FKBP9: variants seen among roughly 807,000 people sequenced by gnomAD.
The protein encoded by FKBP9 is peptidyl-prolyl cis-trans isomerase FKBP9.
Under a neutral mutation model 55.6 loss-of-function variants are expected in FKBP9, and 27 were observed. The ratio of observed to expected loss-of-function variants is 0.49; its 90% CI spans 0.36 to 0.67. The LOEUF (loss-of-function observed/expected upper bound fraction) is 0.67. Ranked by LOEUF, FKBP9 falls within the 30% of genes least tolerant of loss-of-function variation. The pLI, the probability that FKBP9 is intolerant of heterozygous loss-of-function variation, is 0.00. For missense variants in FKBP9, 539 were observed against 742.8 expected (o/e 0.73, Z 3.19); for synonymous variants, 267 against 296.5 (o/e 0.90, Z 1.02).
At chr7:33,002,603 G>T (rs1366657558) in intron 8 of FKBP9, 73 bp from the exon 9 acceptor site, 1 of 1,577,134 alleles carries the variant, frequency 6.3e-7, no homozygotes, top group Non-Finnish European at 8.6e-7. Context: ...TGGAGGTTGG[G>T]GTGGGTGCTG....
intron 6 of FKBP9, among the ~76,000 whole-genome samples, chr7:32,991,548 ATGTT>A (rs760883015): frequency 3.3e-5 from 5 of 152,206 alleles, no homozygotes; most frequent in African/African-American, 2.4e-5. Context: ...CACATTGTGA[ATGTT>A]TGGCAAATAT....
intron 1 of FKBP9, among the ~76,000 whole-genome samples, chr7:32,973,325 C>G (rs1042660615): frequency 6.6e-6 from 1 of 152,080 alleles, no homozygotes; most frequent in African/African-American, 2.4e-5. Flanking sequence ...TGCCTATCAG[C>G]CTTTAAAACA....
Position 32,974,361 on chromosome 7 carries a change from A to ATT in FKBP9, c.222-243_222-242dup, listed in dbSNP as rs5883378. 1.4e-4 allele frequency among the ~76,000 whole-genome samples: 21 copies of ATT among 145,428 alleles called. No homozygotes were observed. In the East Asian group the frequency reaches 2.4e-3, roughly 17 times the overall value. On this transcript the variant is annotated intron_variant, in intron 1 of 9. Transcript: ENST00000242209. ...CTATTTTGCAAAATCAGTTTAACAC[A>ATT]TTTTTTTTTTTTTTGGAGAGAGTTA...
At chr7:32,977,029 C>T (rs1435432146) in intron 4 of FKBP9, among the ~76,000 whole-genome samples, 1 of 152,228 alleles carries the variant, frequency 6.6e-6, no homozygotes, top group Non-Finnish European at 1.5e-5. Flanking sequence ...CAGATTTCCC[C>T]GTTTGCACCT....
chr7:32,967,577 C>T (rs181287712), intron 1 of FKBP9, among the ~76,000 whole-genome samples: 8 of 152,138 alleles, frequency 5.3e-5, no homozygotes, highest in African/African-American at 1.2e-4. Context: ...CTTTTTAAGG[C>T]GGAATAATAT....
chr7:33,004,414 GC>G, intron 9 of FKBP9, among the ~76,000 whole-genome samples: 1 of 152,192 alleles, frequency 6.6e-6, no homozygotes, highest in East Asian at 1.9e-4. Context: ...GGCCACACCT[GC>G]CCCCAGTGCT....
intron 9 of FKBP9, among the ~76,000 whole-genome samples, chr7:33,004,019 G>C (rs1380888520): frequency 6.6e-6 from 1 of 152,048 alleles, no homozygotes; most frequent in South Asian, 2.1e-4. Flanking sequence ...AGCCTTTCCC[G>C]TCGCAGTCAG....
intron 4 of FKBP9, 150 bp downstream of exon 4, chr7:32,976,649 A>G: frequency 8.9e-7 from 1 of 1,122,550 alleles, no homozygotes; most frequent in Non-Finnish European, 1.2e-6. Flanking sequence ...TGTGGCTATT[A>G]ATTAGCTAAA....
At chr7:32,979,183 C>T (rs1204022524) in intron 4 of FKBP9, among the ~76,000 whole-genome samples, 2 of 151,942 alleles carry the variant, frequency 1.3e-5, no homozygotes, top group Non-Finnish European at 2.9e-5. Flanking sequence ...GCAGGAGAAT[C>T]GCTTGAACCC....
intron 4 of FKBP9, among the ~76,000 whole-genome samples, chr7:32,979,319 G>T (rs2953561): frequency 6.6e-6 from 1 of 152,150 alleles, no homozygotes; most frequent in Non-Finnish European, 1.5e-5. Context: ...TACTTTTAAG[G>T]CTTTCATTTT....
intron 5 of FKBP9, among the ~76,000 whole-genome samples, chr7:32,981,566 CTAGT>C (rs1784475965): frequency 6.6e-6 from 1 of 152,006 alleles, no homozygotes; most frequent in African/African-American, 2.4e-5. Context: ...TGATAGACTT[CTAGT>C]TAATGTAGTC....
chr7:32,974,625 G>A lies in FKBP9; in HGVS notation c.230G>A (p.Arg77Lys), dbSNP rs1267225255. ...DGQKFDSSYD[R>K]DSTFNVFVGK... is the part of the protein sequence containing the mutation. ...ACCCTTTGGGCCTTCAGCTATGACA[G>A]AGACTCCACTTTCAATGTGTTTGTG... The change falls in exon 2 of 10, where the codon AGA becomes AAA. Residue 77 changes from arginine to lysine, a missense_variant. Coordinates refer to ENST00000242209, the MANE Select transcript of FKBP9 (RefSeq NM_007270.5). 1.2e-6 allele frequency: 2 copies of A among 1,613,598 alleles called. No individual in the cohort carries two copies. Among genetic ancestry groups the A allele is most frequent in the Non-Finnish European group, 8.5e-7 (1 of 1,179,666 alleles).
chr7:33,004,022 G>A (rs1583875383), intron 9 of FKBP9, among the ~76,000 whole-genome samples: 1 of 151,894 alleles, frequency 6.6e-6, no homozygotes, highest in Non-Finnish European at 1.5e-5. Flanking sequence ...CTTTCCCGTC[G>A]CAGTCAGTGG....
intron 1 of FKBP9, among the ~76,000 whole-genome samples, chr7:32,958,179 G>A (rs1477851717): frequency 6.6e-6 from 1 of 152,184 alleles, no homozygotes; most frequent in Admixed American, 6.5e-5. Context: ...GCCCTTTCCT[G>A]TTCCTTCCCT....
At chr7:32,996,673 C>A (rs1480032099) in intron 7 of FKBP9, among the ~76,000 whole-genome samples, 1 of 136,428 alleles carries the variant, frequency 7.3e-6, no homozygotes, top group Non-Finnish European at 1.6e-5. Flanking sequence ...TCCCTCCCTC[C>A]CTCCCTTCCT....
intron 3 of FKBP9, 45 bp downstream of exon 3, chr7:32,975,416 A>G (rs377294152): frequency 1.5e-5 from 22 of 1,511,962 alleles, no homozygotes; most frequent in Non-Finnish European, 2.0e-5. Flanking sequence ...TGTCCCATGC[A>G]TAGTTCTTTC....
chr7:32,969,263 G>A (rs1249460408), intron 1 of FKBP9, among the ~76,000 whole-genome samples: 1 of 152,086 alleles, frequency 6.6e-6, no homozygotes, highest in Non-Finnish European at 1.5e-5. Context: ...CTCTTTGTCT[G>A]TTTTTGTTTT....
At chr7:32,965,417 AC>A (rs1468182454) in intron 1 of FKBP9, among the ~76,000 whole-genome samples, 1 of 152,088 alleles carries the variant, frequency 6.6e-6, no homozygotes, top group East Asian at 1.9e-4. Context: ...CGCTTGAGCC[AC>A]CATGCCCAGC....
At chr7:32,977,641 A>G (rs1784383725) in intron 4 of FKBP9, among the ~76,000 whole-genome samples, 1 of 151,972 alleles carries the variant, frequency 6.6e-6, no homozygotes, top group African/African-American at 2.4e-5. Context: ...TGAGAACATG[A>G]TGCTTCTTAA....
Sources: allele counts gnomAD v4.1 joint callset (sites outside exome capture counted in the v4.1 genomes callset), GRCh38; gene constraint gnomAD v4.1.1; transcripts MANE v1.5; gene names NCBI Gene and HGNC (gene_info 2026-07-23, HGNC 2026-07-21).